The following SPTLC2 variants were observed in gnomAD, a reference collection of about 807,000 sequenced individuals.
SPTLC2 encodes serine palmitoyltransferase 2.
A neutral mutation model predicts 62.0 loss-of-function variants in SPTLC2; 21 were observed. That is an observed-to-expected ratio of 0.34 (90% confidence interval 0.24 to 0.49). The LOEUF is 0.49. Ranked by LOEUF, SPTLC2 falls within the 20% of genes least tolerant of loss-of-function variation. SPTLC2 has a pLI of 0.99. For missense variants in SPTLC2, 511 were observed against 713.0 expected (o/e 0.72, Z 3.23); for synonymous variants, 261 against 261.8 (o/e 1.00, Z 0.03).
rs757648891 is a variant in SPTLC2, at chr14:77,555,400, A to G, written c.1076T>C (p.Val359Ala). ...IGALGPTGRG[V>A]VEYFGLDPED... Reference sequence around the variant, plus strand: ...GGGATCCAGGCCAAAGTACTCCACCACACCCCGGCCTGTGGGGCCCAGGGC... The same window carrying G: ...GGGATCCAGGCCAAAGTACTCCACCGCACCCCGGCCTGTGGGGCCCAGGGC... Residue 359 changes from valine (V) to alanine (A), a missense_variant, in exon 8 of 12, where the codon GTG becomes GCG. Val to Ala is a moderately conservative substitution (Grantham distance 64). Transcript: ENST00000216484. 2.5e-6 allele frequency: 4 copies of G among 1,613,902 alleles called. No homozygotes were observed. The highest frequency in any genetic ancestry group is 3.4e-6 in the Non-Finnish European group (4 of 1,180,014).
At chr14:77,611,322 C>T (rs1201603486) in intron 1 of SPTLC2, among the ~76,000 whole-genome samples, 2 of 150,836 alleles carry the variant, frequency 1.3e-5, no homozygotes, top group Non-Finnish European at 3.0e-5. Context: ...AATTAGCCCA[C>T]TGTAGTGGTG....
At position 77,510,076 on chromosome 14, in the gene SPTLC2, G is replaced by A; in HGVS notation, c.*2208C>T. The A allele has an allele frequency of 2.5e-6, 1 of 396,948 alleles. No individual in the cohort carries two copies. Among genetic ancestry groups the A allele is most frequent in the East Asian group, 3.6e-5 (1 of 27,950 alleles). The allele number at this position is 396,948 out of a possible 1,614,324, so 24.6% of individuals were successfully genotyped here. A position where few individuals can be genotyped will look rare whatever the true frequency, so the allele number is the denominator to read the frequency against. ...GTATTCCAGTGGGATTCTATGGTAG[G>A]AAACTAGATGTGCAGAAAAGGTTGA... On this transcript the variant is annotated 3_prime_UTR_variant, in exon 12 of 12. Transcript: ENST00000216484.
At chr14:77,537,963 A>G (rs2079479578) in intron 9 of SPTLC2, among the ~76,000 whole-genome samples, 1 of 152,188 alleles carries the variant, frequency 6.6e-6, no homozygotes. Context: ...CTTAACTTTG[A>G]AAAATGAAAT....
chr14:77,534,169 C>G (rs1944501544), intron 9 of SPTLC2, among the ~76,000 whole-genome samples: 1 of 94,204 alleles, frequency 1.1e-5, no homozygotes, highest in African/African-American at 3.8e-5. Context: ...CTCTCTTTCT[C>G]TCTCTCTCTC....
intron 6 of SPTLC2, among the ~76,000 whole-genome samples, chr14:77,557,791 A>G (rs2079592877): frequency 6.6e-6 from 1 of 152,148 alleles, no homozygotes. Flanking sequence ...GTTGTCCATA[A>G]ACAACCAAGT....
chr14:77,531,754 T>G (rs2140001790), intron 9 of SPTLC2, among the ~76,000 whole-genome samples: 1 of 152,166 alleles, frequency 6.6e-6, no homozygotes, highest in South Asian at 2.1e-4. Flanking sequence ...TCAGGTGATC[T>G]GCTGGCCTTG....
chr14:77,532,258 GAAA>G (rs1428997830), intron 9 of SPTLC2, among the ~76,000 whole-genome samples: 1 of 152,176 alleles, frequency 6.6e-6, no homozygotes, highest in Non-Finnish European at 1.5e-5. Context: ...GGCAAGAAAT[GAAA>G]GCTGGCCTTC....
chr14:77,597,275 C>A lies in SPTLC2; in HGVS notation c.238G>T (p.Val80Leu), dbSNP rs776997699. 2.5e-6 allele frequency: 4 copies of A among 1,614,152 alleles called. No individual in the cohort carries two copies. The highest frequency in any genetic ancestry group is 1.7e-5 in the Admixed American group (1 of 60,018). Residue 80 changes from valine to leucine, a missense_variant, in exon 2 of 12, where the codon GTA becomes TTA. Transcript: ENST00000216484. ...VAVLTYVGYG[V>L]LTLFGYLRDF... ...CGAAGATATCCAAAGAGGGTGAGTA[C>A]GCCATACCCCACATACGTGAGCACA... is the stretch of plus-strand genomic sequence containing the variant.
intron 9 of SPTLC2, among the ~76,000 whole-genome samples, chr14:77,539,970 G>A (rs143537710): frequency 2.3e-4 from 35 of 152,206 alleles, no homozygotes; most frequent in Non-Finnish European, 4.1e-4. Context: ...GCCGAGGCAG[G>A]CAGATCACCT....
At chr14:77,582,710 C>T (rs993147294) in intron 2 of SPTLC2, among the ~76,000 whole-genome samples, 1 of 152,162 alleles carries the variant, frequency 6.6e-6, no homozygotes, top group Non-Finnish European at 1.5e-5. Context: ...TTCCATCTCT[C>T]CTTAACAAGT....
chr14:77,528,884 G>A (rs779185297), intron 9 of SPTLC2, among the ~76,000 whole-genome samples: 2 of 152,098 alleles, frequency 1.3e-5, no homozygotes, highest in Non-Finnish European at 2.9e-5. Context: ...CGCCCAGGCT[G>A]GTATGCAATG....
At chr14:77,609,883 A>T (rs886408682) in intron 1 of SPTLC2, among the ~76,000 whole-genome samples, 1 of 152,162 alleles carries the variant, frequency 6.6e-6, no homozygotes, top group Non-Finnish European at 1.5e-5. Flanking sequence ...GAATCAATCA[A>T]TCAATCAATC....
At chr14:77,586,313 C>T (rs2079781252) in intron 2 of SPTLC2, among the ~76,000 whole-genome samples, 2 of 151,960 alleles carry the variant, frequency 1.3e-5, no homozygotes, top group Admixed American at 6.6e-5. Flanking sequence ...TGACCTCAAG[C>T]GATCCACCCA....
chr14:77,531,443 T>TCTTCTTCTTCTTCTCCTC (rs1478198521), intron 9 of SPTLC2, among the ~76,000 whole-genome samples: 6 of 130,358 alleles, frequency 4.6e-5, no homozygotes, highest in African/African-American at 1.2e-4. Context: ...TTCTTCTTCT[T>TCTTCTTCTTCTTCTCCTC]CTCCTCCTTC....
In SPTLC2 at chr14:77,508,592, T is replaced by C. The variant is rs911715320; in HGVS notation, c.*3692A>G. Reference sequence around the variant, plus strand: ...GTGGTAAATGTCATCACTTTTTTCCTCCCTGAGAAATCAGGAAATCTCTCC... The same window carrying C: ...GTGGTAAATGTCATCACTTTTTTCCCCCCTGAGAAATCAGGAAATCTCTCC... On this transcript the variant is annotated 3_prime_UTR_variant, in exon 12 of 12. Coordinates refer to ENST00000216484, the MANE Select transcript of SPTLC2 (RefSeq NM_004863.4). 3 of 152,182 alleles carry C rather than the reference T, an allele frequency of 2.0e-5. No homozygotes were observed. The highest frequency in any genetic ancestry group is 7.2e-5 in the African/African-American group (3 of 41,444). The allele number at this position is 152,182 out of a possible 1,614,324, so 9.4% of individuals were successfully genotyped here.
In SPTLC2 at chr14:77,518,165, G is replaced by A. The variant is rs2139993030; in HGVS notation, c.1442C>T (p.Ala481Val). 6.2e-7 allele frequency: 1 copy of A among 1,614,106 alleles called. No individual in the cohort carries two copies. The highest frequency in any genetic ancestry group is 1.1e-5 in the South Asian group (1 of 91,082). ...CCGCTTCAGCATCTCCCGTCCAAAG[G>A]CGCTGCAAAGGGGAAAACAAGAACA... ...LMLYMPAKIG[A>V]FGREMLKRNI... Residue 481 changes from alanine to valine, a missense_variant and splice_region_variant, in exon 11 of 12, where the codon GCC becomes GTC. Physicochemically the swap from Ala to Val is moderately conservative, Grantham distance 64 (BLOSUM62 0). Transcript: ENST00000216484.
At chr14:77,588,300 A>C (rs1318191433) in intron 2 of SPTLC2, among the ~76,000 whole-genome samples, 1 of 152,202 alleles carries the variant, frequency 6.6e-6, no homozygotes, top group Non-Finnish European at 1.5e-5. Flanking sequence ...AAGTAACTGA[A>C]ACATGACAAA....
At chr14:77,604,896 A>G (rs2079897188) in intron 1 of SPTLC2, among the ~76,000 whole-genome samples, 1 of 151,172 alleles carries the variant, frequency 6.6e-6, no homozygotes, top group Admixed American at 6.6e-5. Context: ...AGGTAAAATG[A>G]CAAAGTCATG....
Position 77,507,639 on chromosome 14 carries a change from T to C in SPTLC2, c.*4645A>G, listed in dbSNP as rs10132095. 145,680 of 152,332 alleles carry C rather than the reference T, an allele frequency of 0.96. 69,964 individuals carry two copies. The highest frequency in any genetic ancestry group is 1 in the East Asian group (5,178 of 5,178). 9.4% of individuals were successfully genotyped at this position (152,332 alleles called of 1,614,324 possible). ...GCCACTGCGCCCAGCCATGGGCACA[T>C]ATTTCATGTGGATAAAGTTGAGGCG... On this transcript the variant is annotated 3_prime_UTR_variant, in exon 12 of 12. Transcript: ENST00000216484.
Sources: gnomAD v4.1 joint callset for allele counts (sites outside exome capture counted in the v4.1 genomes callset) on GRCh38, gnomAD v4.1.1 for gene constraint, MANE v1.5 for transcripts, NCBI Gene and HGNC (gene_info 2026-07-23, HGNC 2026-07-21) for gene names.